NRXN3: variants seen among roughly 807,000 people sequenced by gnomAD.
NRXN3 encodes neurexin 3.
A neutral mutation model predicts 137.6 loss-of-function variants in NRXN3; 32 were observed. The ratio of observed to expected loss-of-function variants is 0.23; its 90% CI spans 0.18 to 0.31. The LOEUF (loss-of-function observed/expected upper bound fraction) is 0.31, where lower values mean the gene tolerates loss of function less well. Ranked by LOEUF, NRXN3 falls within the 10% of genes least tolerant of loss-of-function variation. The pLI, the probability that NRXN3 is intolerant of heterozygous loss-of-function variation, is 1.00. For missense variants in NRXN3, 1,574 were observed against 2,062.5 expected (o/e 0.76, Z 4.59); for synonymous variants, 798 against 784.5 (o/e 1.02, Z -0.29).
At chr14:78,359,961 GCA>G (rs1380557148) in intron 4 of NRXN3, among the ~76,000 whole-genome samples, 4 of 151,954 alleles carry the variant, frequency 2.6e-5, no homozygotes, top group Admixed American at 6.6e-5. Context: ...CTTTCTTCTG[GCA>G]CTTTTCCCTC....
intron 16 of NRXN3, among the ~76,000 whole-genome samples, chr14:79,651,080 A>AATTAAC (rs2098473655): frequency 6.6e-6 from 1 of 152,230 alleles, no homozygotes; most frequent in Non-Finnish European, 1.5e-5. Context: ...TGGTAATAGG[A>AATTAAC]TGGATCAGTG....
chr14:78,512,933 A>T (rs2096136320), intron 4 of NRXN3, among the ~76,000 whole-genome samples: 1 of 152,166 alleles, frequency 6.6e-6, no homozygotes, highest in African/African-American at 2.4e-5. Context: ...GCCCCGTAGG[A>T]TCTGAAGCAG....
At chr14:78,245,150 G>T (rs1180810435) in intron 2 of NRXN3, among the ~76,000 whole-genome samples, 1 of 152,144 alleles carries the variant, frequency 6.6e-6, no homozygotes, top group African/African-American at 2.4e-5. Flanking sequence ...ATTAAGCCCT[G>T]GTTTCTCTTA....
rs182231427 is a variant in NRXN3 at position 78,976,951 on chromosome 14, T to C, written c.3142+8605T>C. On this transcript the variant is annotated intron_variant, in intron 14 of 20. Transcript: ENST00000335750. ...GACTTGGCAGGTTGTATCTCCATTG[T>C]GACTACAACCTTAGCTGATAGATAC... Among the ~76,000 whole-genome samples, 56 of 152,334 alleles carry C rather than the reference T, an allele frequency of 3.7e-4. No homozygotes were observed. The East Asian group carries it at 0.011, about 29-fold the overall frequency.
intron 20 of NRXN3, among the ~76,000 whole-genome samples, chr14:79,858,151 T>C (rs1418146363): frequency 6.6e-6 from 1 of 151,920 alleles, no homozygotes; most frequent in Admixed American, 6.6e-5. Context: ...ACTCTTTTTT[T>C]TTTTTTTTTA....
intron 1 of NRXN3, among the ~76,000 whole-genome samples, chr14:78,238,139 G>GCCCCC (rs111555461): frequency 1.4e-5 from 2 of 145,494 alleles, no homozygotes; most frequent in African/African-American, 5.2e-5. Context: ...AGTTGTGTGA[G>GCCCCC]CCCCCCCCAC....
intron 2 of NRXN3, among the ~76,000 whole-genome samples, chr14:78,244,662 G>A (rs904825066): frequency 1.3e-5 from 2 of 152,100 alleles, no homozygotes; most frequent in South Asian, 2.1e-4. Flanking sequence ...AGGCATCTGC[G>A]CCAGGCCCTT....
At chr14:79,141,039 G>T (rs1023744153) in intron 15 of NRXN3, among the ~76,000 whole-genome samples, 15 of 152,154 alleles carry the variant, frequency 9.9e-5, no homozygotes, top group African/African-American at 3.1e-4. Flanking sequence ...AGTGGTAAAA[G>T]AAAAATTAGC....
intron 15 of NRXN3, among the ~76,000 whole-genome samples, chr14:79,205,026 G>A (rs374367453): frequency 1.3e-5 from 2 of 152,142 alleles, no homozygotes; most frequent in South Asian, 2.1e-4. Context: ...TTTAGGCATT[G>A]TAGATTGTGT....
At chr14:79,286,058 G>T (rs1407298544) in intron 15 of NRXN3, among the ~76,000 whole-genome samples, 1 of 152,100 alleles carries the variant, frequency 6.6e-6, no homozygotes, top group Non-Finnish European at 1.5e-5. Flanking sequence ...AACAGCTATT[G>T]GTTCAGTGAA....
chr14:78,507,818 T>G (rs1187583269), intron 4 of NRXN3, among the ~76,000 whole-genome samples: 1 of 152,146 alleles, frequency 6.6e-6, no homozygotes, highest in East Asian at 1.9e-4. Context: ...TGAGACACCT[T>G]GAGTTTCTCT....
chr14:79,679,260 G>A (rs1603421924), intron 17 of NRXN3, among the ~76,000 whole-genome samples: 1 of 151,870 alleles, frequency 6.6e-6, no homozygotes, highest in East Asian at 1.9e-4. Flanking sequence ...ACCCATCAAT[G>A]GGCAAATATA....
In NRXN3 at chr14:79,861,367, C is replaced by T. The variant is rs1369178441; in HGVS notation, c.4119C>T (p.Phe1373=). 1 of 1,536,098 alleles carries T rather than the reference C, an allele frequency of 6.5e-7. No individual in the cohort carries two copies. Among genetic ancestry groups the T allele is most frequent in the East Asian group, 2.4e-5 (1 of 40,912 alleles). ...ATAAGAGTCTTTCCACTTCAATCTT[C>T]GAAGGTGGCTACAAAGCACATGCGC... ...STDKSLSTSI[F]EGGYKAHAPK... Residue 1373 remains phenylalanine (F), a synonymous_variant, in exon 21 of 21, where the codon TTC becomes TTT. Transcript: ENST00000335750. The surrounding 1 kb of genome is among the most constrained non-coding windows in gnomAD (Gnocchi z 5.4).
intron 15 of NRXN3, among the ~76,000 whole-genome samples, chr14:79,044,780 A>G (rs1767100824): frequency 6.6e-6 from 1 of 151,648 alleles, no homozygotes; most frequent in East Asian, 1.9e-4. Flanking sequence ...GGTTCCATAT[A>G]CTATATCTTT....
chr14:79,426,625 G>T (rs1265153244), intron 15 of NRXN3, among the ~76,000 whole-genome samples: 3 of 152,130 alleles, frequency 2.0e-5, no homozygotes, highest in African/African-American at 7.2e-5. Flanking sequence ...AACGTGCTGT[G>T]TTTATTTAAT....
At chr14:79,370,106 C>G (rs1055337665) in intron 15 of NRXN3, among the ~76,000 whole-genome samples, 1 of 152,114 alleles carries the variant, frequency 6.6e-6, no homozygotes, top group Admixed American at 6.5e-5. Context: ...GCTGTTCTCC[C>G]TTGAACTTGG....
intron 7 of NRXN3, among the ~76,000 whole-genome samples, chr14:78,711,510 C>T (rs907644949): frequency 2.8e-5 from 4 of 145,330 alleles, no homozygotes; most frequent in Non-Finnish European, 4.5e-5. Flanking sequence ...GGCGCAGTCT[C>T]GGCTCACTGC....
At chr14:78,251,257 A>G (rs1457414483) in intron 2 of NRXN3, among the ~76,000 whole-genome samples, 2 of 152,098 alleles carry the variant, frequency 1.3e-5, no homozygotes, top group Non-Finnish European at 1.5e-5. Context: ...TCCTGCCTTC[A>G]GCTTCTCTCT....
intron 15 of NRXN3, among the ~76,000 whole-genome samples, chr14:79,139,070 A>G (rs2058539954): frequency 6.6e-6 from 1 of 152,220 alleles, no homozygotes; most frequent in Admixed American, 6.5e-5. Flanking sequence ...TTCACCTTCA[A>G]GGCCAATGGC....
Sources: allele counts gnomAD v4.1 joint callset (sites outside exome capture counted in the v4.1 genomes callset), GRCh38; gene constraint gnomAD v4.1.1; non-coding constraint Gnocchi (gnomAD v3.1); transcripts MANE v1.5; gene names NCBI Gene and HGNC (gene_info 2026-07-23, HGNC 2026-07-21).